The following DNAJC11 variants were observed in gnomAD, a reference collection of about 807,000 sequenced individuals.
DNAJC11 encodes the protein DnaJ heat shock protein family (Hsp40) member C11, also known as dnaJ homolog subfamily C member 11.
A neutral mutation model predicts 78.6 loss-of-function variants in DNAJC11; 15 were observed. The ratio of observed to expected loss-of-function variants is 0.19; its 90% CI spans 0.13 to 0.29. The LOEUF is 0.29. DNAJC11 is among the 10% of genes least tolerant of loss of function. DNAJC11 has a pLI of 1.00. For missense variants in DNAJC11, 547 were observed against 709.6 expected, an observed-to-expected ratio of 0.77 and a Z score of 2.60; for synonymous variants, 292 against 272.1, an observed-to-expected ratio of 1.07 and a Z score of -0.72.
intron 10 of DNAJC11, among the ~76,000 whole-genome samples, chr1:6,643,445 T>G (rs1557467020): frequency 6.6e-6 from 1 of 151,666 alleles, no homozygotes; most frequent in Non-Finnish European, 1.5e-5. Context: ...CCGGTTAATT[T>G]TTTGTATTTT....
At chr1:6,641,474 T>G (rs1245739648) in intron 10 of DNAJC11, among the ~76,000 whole-genome samples, 1 of 145,912 alleles carries the variant, frequency 6.9e-6, no homozygotes, top group African/African-American at 2.6e-5. Flanking sequence ...AAAAAATAAA[T>G]AGTAAGCATA....
intron 11 of DNAJC11, among the ~76,000 whole-genome samples, chr1:6,639,034 A>T (rs1641831869): frequency 6.6e-6 from 1 of 152,186 alleles, no homozygotes; most frequent in Non-Finnish European, 1.5e-5. Flanking sequence ...TCATTCCTTT[A>T]TCTGAGATTC....
chr1:6,668,579 C>T (rs1042608049), intron 3 of DNAJC11, among the ~76,000 whole-genome samples: 1 of 152,074 alleles, frequency 6.6e-6, no homozygotes, highest in Non-Finnish European at 1.5e-5. Flanking sequence ...CCAAGGATCT[C>T]GAGCTGTCGG....
intron 1 of DNAJC11, among the ~76,000 whole-genome samples, chr1:6,699,901 A>C (rs1570322273): frequency 6.6e-6 from 1 of 152,206 alleles, no homozygotes; most frequent in Admixed American, 6.5e-5. Flanking sequence ...TGGCCCATAC[A>C]TTCGAGGGAT....
intron 1 of DNAJC11, among the ~76,000 whole-genome samples, chr1:6,687,820 TACA>T (rs1369502421): frequency 1.3e-5 from 2 of 152,156 alleles, no homozygotes; most frequent in African/African-American, 2.4e-5. Flanking sequence ...TTTGGAATCA[TACA>T]ACAACATCAA....
At chr1:6,654,345 C>G (rs140164005) in intron 4 of DNAJC11, 13 of 211,118 alleles carry the variant, frequency 6.2e-5, no homozygotes, top group Non-Finnish European at 1.1e-4. Context: ...AAGAGCTAGA[C>G]AGTTTGATTT....
chr1:6,689,099 G>A (rs1642702342), intron 1 of DNAJC11, among the ~76,000 whole-genome samples: 1 of 152,174 alleles, frequency 6.6e-6, no homozygotes, highest in African/African-American at 2.4e-5. Flanking sequence ...GAAATAAGAG[G>A]AAGTCATACA....
At chr1:6,643,020 C>T (rs755810418) in intron 10 of DNAJC11, among the ~76,000 whole-genome samples, 10 of 152,012 alleles carry the variant, frequency 6.6e-5, no homozygotes, top group South Asian at 2.1e-4. Context: ...CCATCTGGTA[C>T]GGAAAGCCAG....
intron 4 of DNAJC11, among the ~76,000 whole-genome samples, chr1:6,664,611 T>C (rs1250554538): frequency 6.6e-6 from 1 of 152,220 alleles, no homozygotes. Context: ...CTCCTCAGTG[T>C]TGAATGAAAC....
In DNAJC11 at chr1:6,639,933, T is replaced by C. The variant is rs751834010; in HGVS notation, c.1222A>G (p.Ile408Val). ...VVYFAMHRLI[I>V]KPYLRAQKEK... ...TTCTGAGCCCTGAGGTATGGTTTGA[T>C]GATCAGACGGTGCATGGCAAAGTAG... The change falls in exon 11 of 16, where the codon ATC becomes GTC. Residue 408 changes from isoleucine (I) to valine (V), a missense_variant. Transcript: ENST00000377577. 11 of 1,613,942 alleles carry C rather than the reference T, an allele frequency of 6.8e-6. No individual in the cohort carries two copies. Among genetic ancestry groups the C allele is most frequent in the African/African-American group, 1.3e-5 (1 of 74,990 alleles).
At position 6,700,382 on chromosome 1, in the gene DNAJC11, G is replaced by A. The variant is rs184821257; in HGVS notation, c.72+1347C>T. 2.0e-5 allele frequency among the ~76,000 whole-genome samples: 3 copies of A among 152,254 alleles called. No individual in the cohort carries two copies. In the East Asian group the frequency reaches 5.8e-4, roughly 29 times the overall value. On this transcript the variant is annotated intron_variant, in intron 1 of 15. Coordinates refer to ENST00000377577, the MANE Select transcript of DNAJC11 (RefSeq NM_018198.4). ...TTTATTGCTCACACAAAGCCTGTTT[G>A]GTGGTCTCTTCACACGGACGCGCGT...
chr1:6,647,825 AAAAC>A (rs755981268), intron 7 of DNAJC11, among the ~76,000 whole-genome samples: 3 of 152,144 alleles, frequency 2.0e-5, no homozygotes, highest in Non-Finnish European at 4.4e-5. Flanking sequence ...AACACAAAAC[AAAAC>A]AAACAAAAAA....
At chr1:6,674,431 C>T (rs1220861552) in intron 3 of DNAJC11, among the ~76,000 whole-genome samples, 2 of 151,914 alleles carry the variant, frequency 1.3e-5, no homozygotes, top group Middle Eastern at 3.2e-3. Flanking sequence ...CATAGTGGTG[C>T]GCACCTGTAA....
chr1:6,695,161 AATT>A (rs1169643103), intron 1 of DNAJC11, among the ~76,000 whole-genome samples: 12 of 21,588 alleles, frequency 5.6e-4, no homozygotes, highest in South Asian at 1.9e-3. Context: ...AAAAAAAAAA[AATT>A]TTTTTTTTTA....
chr1:6,634,689 A>G lies in DNAJC11; in HGVS notation c.*986T>C, dbSNP rs1351135857. ...GCTGCATTCTGCATCCCAAGTGGGC[A>G]CGTGGAGGAAGGGTCTGAAGGAAGG... On this transcript the variant is annotated 3_prime_UTR_variant, in exon 16 of 16. Transcript: ENST00000377577. 1 of 1,366,002 alleles carries G rather than the reference A, an allele frequency of 7.3e-7. No individual in the cohort carries two copies. The highest frequency in any genetic ancestry group is 9.8e-7 in the Non-Finnish European group (1 of 1,021,728). The allele number at this position is 1,366,002 out of a possible 1,614,324, so 84.6% of individuals were successfully genotyped here.
rs1346283938 is a variant in DNAJC11, at chr1:6,701,685, C to T, written c.72+44G>A. On this transcript the variant is annotated intron_variant, in intron 1 of 15. Coordinates refer to ENST00000377577, the MANE Select transcript of DNAJC11 (RefSeq NM_018198.4). ...CGCCAGCCCGGCCCTCCCGAACGAC[C>T]GGGCTCGGCCTCAGCCCCCAGAGCG... 6.7e-6 allele frequency: 10 copies of T among 1,492,680 alleles called. No homozygotes were observed. In the East Asian group the frequency reaches 2.7e-4, roughly 40 times the overall value. 92.5% of individuals were successfully genotyped at this position (1,492,680 alleles called of 1,614,324 possible). A position where few individuals can be genotyped will look rare whatever the true frequency, so the allele number is the denominator to read the frequency against.
chr1:6,635,694 C>A lies in DNAJC11; in HGVS notation c.1661G>T (p.Arg554Met). Residue 554 changes from arginine (R) to methionine (M), a missense_variant, in exon 16 of 16, where the codon AGG (arginine) becomes ATG (methionine). Physicochemically the swap from Arg to Met is moderately conservative, Grantham distance 91. Coordinates refer to ENST00000377577, the MANE Select transcript of DNAJC11 (RefSeq NM_018198.4). Reference protein sequence around the residue: ...EALRIPKQSHRIDTDG With the variant: ...EALRIPKQSHMIDTDG ...GGCAGTTTATCCATCTGTATCGATCCTGTGGGCTGTAAAGGAAAAGACAGA... is the reference window on the plus strand; with the variant it reads ...GGCAGTTTATCCATCTGTATCGATCATGTGGGCTGTAAAGGAAAAGACAGA... The A allele has an allele frequency of 6.2e-7, 1 of 1,614,124 alleles. No homozygotes were observed. Among genetic ancestry groups the A allele is most frequent in the Non-Finnish European group, 8.5e-7 (1 of 1,180,030 alleles).
At chr1:6,664,233 TTTTC>T (rs1462184382) in intron 4 of DNAJC11, among the ~76,000 whole-genome samples, 5 of 151,338 alleles carry the variant, frequency 3.3e-5, no homozygotes, top group Non-Finnish European at 7.4e-5. Context: ...TCGAAGGCCA[TTTTC>T]TTTCTTTTTT....
At chr1:6,655,305 T>C (rs916998332) in intron 4 of DNAJC11, among the ~76,000 whole-genome samples, 1 of 152,214 alleles carries the variant, frequency 6.6e-6, no homozygotes, top group African/African-American at 2.4e-5. Flanking sequence ...AAAAATTTTC[T>C]TATTAAATCA....
Sources: gnomAD v4.1 joint callset for allele counts (sites outside exome capture counted in the v4.1 genomes callset) on GRCh38, gnomAD v4.1.1 for gene constraint, MANE v1.5 for transcripts, NCBI Gene and HGNC (gene_info 2026-07-23, HGNC 2026-07-21) for gene names.